The following C7 variants were observed in gnomAD, a reference collection of about 807,000 sequenced individuals.
C7 encodes the protein complement C7.
C7 carries 83 observed loss-of-function variants against 104.8 expected under a neutral mutation model. The observed-to-expected ratio is 0.79, with a 90% CI of 0.66 to 0.95. The LOEUF is 0.95. Ranked by LOEUF, C7 falls within the 40% of genes least tolerant of loss-of-function variation. The pLI is 0.00. For synonymous variants in C7, 415 were observed against 360.6 expected, an observed-to-expected ratio of 1.15 and a Z score of -1.71; for missense variants, 1,070 against 1,011.2, an observed-to-expected ratio of 1.06 and a Z score of -0.79.
intron 7 of C7, among the ~76,000 whole-genome samples, chr5:40,945,596 C>T (rs916006648): frequency 2.0e-5 from 3 of 151,986 alleles, no homozygotes; most frequent in South Asian, 2.1e-4. Context: ...CAGTGGTTCA[C>T]GCCTATAATC....
chr5:40,953,997 C>G (rs2034491), intron 9 of C7, among the ~76,000 whole-genome samples: 17,175 of 152,068 alleles, frequency 0.11, 2,172 homozygotes, highest in African/African-American at 0.31. Context: ...AAATGAAAAC[C>G]ACTCAAAATC....
chr5:40,970,959 C>G (rs147238122), intron 14 of C7, among the ~76,000 whole-genome samples: 1 of 152,114 alleles, frequency 6.6e-6, no homozygotes, highest in African/African-American at 2.4e-5. Flanking sequence ...TGTATATGTG[C>G]CATATTTTCT....
intron 16 of C7, among the ~76,000 whole-genome samples, chr5:40,979,491 C>A (rs78844764): frequency 0.057 from 8,703 of 152,162 alleles, 360 homozygotes; most frequent in Non-Finnish European, 0.087. Flanking sequence ...CACTAGATAT[C>A]TACACTTAGA....
At position 40,983,515 on chromosome 5, in the gene C7, G is replaced by C. The variant is rs1740998730; in HGVS notation, c.*1942G>C. ...CAAGGAGAGGAGAAGGAGAGGAGCAGTGAATGTTGTCGTGAAGAGGTGTTG... is the reference window on the plus strand; with the variant it reads ...CAAGGAGAGGAGAAGGAGAGGAGCACTGAATGTTGTCGTGAAGAGGTGTTG... On this transcript the variant is annotated 3_prime_UTR_variant, in exon 18 of 18. Coordinates refer to ENST00000313164, the MANE Select transcript of C7 (RefSeq NM_000587.4). Among the ~76,000 whole-genome samples, 1 of 152,108 alleles carries C rather than the reference G, an allele frequency of 6.6e-6. No individual in the cohort carries two copies. Among genetic ancestry groups the C allele is most frequent in the Non-Finnish European group, 1.5e-5 (1 of 68,026 alleles).
intron 1 of C7, among the ~76,000 whole-genome samples, chr5:40,927,236 A>G (rs942109927): frequency 6.6e-4 from 100 of 152,312 alleles, no homozygotes; most frequent in African/African-American, 2.4e-3. Flanking sequence ...AGCATTGTAT[A>G]TAAAAATCTA....
intron 3 of C7, among the ~76,000 whole-genome samples, chr5:40,932,666 A>G (rs2111585174): frequency 6.6e-6 from 1 of 152,340 alleles, no homozygotes; most frequent in Non-Finnish European, 1.5e-5. Context: ...GATTACAGGC[A>G]ACCAGGTACA....
At position 40,931,055 on chromosome 5, in the gene C7, CTG is replaced by C; in HGVS notation, c.63-6_63-5del. Reference sequence around the variant, plus strand: ...CTGCTTTATGATGGACAATTTGACACTGTGGCAGTGCCTCCTCTCCAGTCAAC... The same window carrying C: ...CTGCTTTATGATGGACAATTTGACACTGGCAGTGCCTCCTCTCCAGTCAAC... On this transcript the variant is annotated splice_region_variant and splice_polypyrimidine_tract_variant and intron_variant, in intron 2 of 17. Transcript: ENST00000313164. 2 of 1,602,528 alleles carry C rather than the reference CTG, an allele frequency of 1.2e-6. No individual in the cohort carries two copies. The highest frequency in any genetic ancestry group is 2.2e-5 in the South Asian group (2 of 90,708).
rs1272436946 is a variant in C7, at chr5:40,982,665, A to G, written c.*1092A>G. 3 of 152,312 alleles carry G rather than the reference A, an allele frequency of 2.0e-5. No homozygotes were observed. The East Asian group carries it at 5.6e-4, about 29-fold the overall frequency. The allele number at this position is 152,312 out of a possible 1,614,324, so 9.4% of individuals were successfully genotyped here. Reference sequence around the variant, plus strand: ...AGGCATGAGTGACTGTGCATTTGAGAATAGTTTTCCCTATTCTGTGGATAC... The same window carrying G: ...AGGCATGAGTGACTGTGCATTTGAGGATAGTTTTCCCTATTCTGTGGATAC... On this transcript the variant is annotated 3_prime_UTR_variant, in exon 18 of 18. Coordinates refer to ENST00000313164, the MANE Select transcript of C7 (RefSeq NM_000587.4).
At position 40,972,433 on chromosome 5, in the gene C7, A is replaced by G; in HGVS notation, c.1913A>G (p.Asp638Gly). Reference sequence around the variant, plus strand: ...GCCTGTGTTCTACCTGTACTGATGGATGGCATACAGAGTCACCCCCAAAAA... The same window carrying G: ...GCCTGTGTTCTACCTGTACTGATGGGTGGCATACAGAGTCACCCCCAAAAA... ...KIACVLPVLM[D>G]GIQSHPQKPF... The change falls in exon 15 of 18, where the codon GAT (aspartate) becomes GGT (glycine). Residue 638 changes from aspartate (D) to glycine (G), a missense_variant. Asp to Gly is a moderately conservative substitution (Grantham distance 94). Coordinates refer to ENST00000313164, the MANE Select transcript of C7 (RefSeq NM_000587.4). 6.2e-7 allele frequency: 1 copy of G among 1,613,854 alleles called. No homozygotes were observed. Among genetic ancestry groups the G allele is most frequent in the Non-Finnish European group, 8.5e-7 (1 of 1,179,812 alleles).
intron 1 of C7, among the ~76,000 whole-genome samples, chr5:40,921,899 G>T (rs987171780): frequency 6.6e-6 from 1 of 151,680 alleles, no homozygotes; most frequent in Non-Finnish European, 1.5e-5. Flanking sequence ...TCAGCCAGGC[G>T]TGGTGGTGCG....
chr5:40,969,268 T>C (rs1441970607), intron 14 of C7, among the ~76,000 whole-genome samples: 1 of 152,214 alleles, frequency 6.6e-6, no homozygotes, highest in African/African-American at 2.4e-5. Flanking sequence ...TTATGTTTAC[T>C]GTTTTATATT....
intron 14 of C7, among the ~76,000 whole-genome samples, chr5:40,970,757 T>G (rs1740681416): frequency 6.6e-6 from 1 of 152,088 alleles, no homozygotes; most frequent in Non-Finnish European, 1.5e-5. Flanking sequence ...TTCCCTCCCC[T>G]TGCCCCCCAT....
At chr5:40,952,443 T>C (rs1165059363) in intron 9 of C7, among the ~76,000 whole-genome samples, 2 of 151,758 alleles carry the variant, frequency 1.3e-5, no homozygotes, top group Non-Finnish European at 2.9e-5. Flanking sequence ...GCTAAAGCCT[T>C]AAAAAAACAT....
chr5:40,921,925 C>A (rs1201546610), intron 1 of C7, among the ~76,000 whole-genome samples: 1 of 151,924 alleles, frequency 6.6e-6, no homozygotes, highest in Non-Finnish European at 1.5e-5. Flanking sequence ...GTAATCCCAG[C>A]TACTCAGGAG....
chr5:40,945,447 A>G, intron 7 of C7, 79 bp downstream of exon 7: 3 of 936,576 alleles, frequency 3.2e-6, no homozygotes, highest in Non-Finnish European at 3.1e-6. Flanking sequence ...TGTATTTATC[A>G]AAAGGATCAG....
chr5:40,977,114 C>A (rs1161581303), intron 16 of C7, among the ~76,000 whole-genome samples: 1 of 152,076 alleles, frequency 6.6e-6, no homozygotes, highest in Admixed American at 6.5e-5. Flanking sequence ...AGCAAAATGG[C>A]AAAACTGTCA....
chr5:40,957,925 G>A (rs2652323), intron 10 of C7, 108 bp from the exon 11 acceptor site: 630,392 of 630,968 alleles, frequency 1, 314,910 homozygotes, highest in East Asian at 1. Flanking sequence ...TAACAAACTT[G>A]CCCGTGGCTT....
At chr5:40,933,967 A>C (rs1474605418) in intron 3 of C7, among the ~76,000 whole-genome samples, 1 of 141,254 alleles carries the variant, frequency 7.1e-6, no homozygotes, top group African/African-American at 2.7e-5. Flanking sequence ...ACGGTGTCTC[A>C]CTTTATTGCC....
rs543049464 is a variant in C7 at position 40,970,798 on chromosome 5, A to C, written c.1883-1605A>C. ...GACAGGCCACAGTGTGTGATGTTCCACTCCCTGTGCCCATGTGTTCTCATT... is the reference window on the plus strand; with the variant it reads ...GACAGGCCACAGTGTGTGATGTTCCCCTCCCTGTGCCCATGTGTTCTCATT... On this transcript the variant is annotated intron_variant, in intron 14 of 17. Transcript: ENST00000313164. Among the ~76,000 whole-genome samples, 5 of 151,232 alleles carry C rather than the reference A, an allele frequency of 3.3e-5. No individual in the cohort carries two copies. In the East Asian group the frequency reaches 9.7e-4, roughly 29 times the overall value.
Sources: gnomAD v4.1 joint callset for allele counts (sites outside exome capture counted in the v4.1 genomes callset) on GRCh38, gnomAD v4.1.1 for gene constraint, MANE v1.5 for transcripts, NCBI Gene and HGNC (gene_info 2026-07-23, HGNC 2026-07-21) for gene names.